The following CNTNAP2 variants were observed in gnomAD, a reference collection of about 807,000 sequenced individuals.
CNTNAP2 encodes contactin associated protein 2.
CNTNAP2 carries 98 observed loss-of-function variants against 155.2 expected under a neutral mutation model. The ratio of observed to expected loss-of-function variants is 0.63; its 90% confidence interval spans 0.54 to 0.75. CNTNAP2 has a LOEUF of 0.75. Among genes scored for constraint, CNTNAP2 ranks in the 30% least tolerant of loss-of-function variants. The probability of loss-of-function intolerance (pLI) is 0.00; values close to 1 mark genes in which losing one functional copy is unlikely to be tolerated. For synonymous variants in CNTNAP2, 651 were observed against 631.2 expected, an observed-to-expected ratio of 1.03 and a Z score of -0.47; for missense variants, 1,727 against 1,688.1, an observed-to-expected ratio of 1.02 and a Z score of -0.40.
chr7:148,323,909 G>A lies in CNTNAP2; in HGVS notation c.3475+56783G>A, dbSNP rs547549238. 2.3e-3 allele frequency among the ~76,000 whole-genome samples: 314 copies of A among 139,184 alleles called. 1 individual carries two copies. Among genetic ancestry groups the A allele is most frequent in the African/African-American group, 7.9e-3 (288 of 36,618 alleles). 91.3% of individuals were successfully genotyped at this position (139,184 alleles called of 152,430 possible). A position where few individuals can be genotyped will look rare whatever the true frequency, so the allele number is the denominator to read the frequency against. On this transcript the variant is annotated intron_variant, in intron 21 of 23. Coordinates refer to ENST00000361727, the MANE Select transcript of CNTNAP2 (RefSeq NM_014141.6). Reference sequence around the variant, plus strand: ...TTTTTTTTTTTTTTTTTTTTGAGACGGAGTTTCACTCTTGCCCAGGCTGGA... The same window carrying A: ...TTTTTTTTTTTTTTTTTTTTGAGACAGAGTTTCACTCTTGCCCAGGCTGGA...
chr7:148,251,518 C>T (rs1412078669), intron 20 of CNTNAP2, among the ~76,000 whole-genome samples: 1 of 152,106 alleles, frequency 6.6e-6, no homozygotes, highest in Non-Finnish European at 1.5e-5. Flanking sequence ...AATCATTGGC[C>T]ACAAAGGTGA....
chr7:148,106,493 G>GATATATATATATATATATATATATAT (rs10532740), intron 15 of CNTNAP2, among the ~76,000 whole-genome samples: 23 of 124,894 alleles, frequency 1.8e-4, no homozygotes, highest in African/African-American at 6.6e-4. Context: ...CACACTTTGA[G>GATATATATATATATATATATATATAT]ATATATATAT....
intron 15 of CNTNAP2, among the ~76,000 whole-genome samples, chr7:148,062,775 T>C (rs1389172492): frequency 1.3e-5 from 2 of 151,984 alleles, no homozygotes; most frequent in Non-Finnish European, 2.9e-5. Context: ...ATAGCTAAAT[T>C]CAAATAAAGT....
At chr7:147,215,244 G>A (rs540092577) in intron 8 of CNTNAP2, among the ~76,000 whole-genome samples, 289 of 152,228 alleles carry the variant, frequency 1.9e-3, no homozygotes, top group African/African-American at 6.6e-3. Flanking sequence ...GATTTATTTT[G>A]TATTGAACAT....
intron 12 of CNTNAP2, among the ~76,000 whole-genome samples, chr7:147,607,164 T>C (rs1448043121): frequency 6.6e-6 from 1 of 152,244 alleles, no homozygotes; most frequent in East Asian, 1.9e-4. Context: ...ACTGAGTCAA[T>C]GAGGAAAATT....
chr7:148,024,904 T>C (rs554791879), intron 15 of CNTNAP2, among the ~76,000 whole-genome samples: 7 of 152,254 alleles, frequency 4.6e-5, no homozygotes, highest in African/African-American at 9.6e-5. Context: ...TGGAAGCAAA[T>C]GAAATTGCCT....
chr7:147,400,725 G>A lies in CNTNAP2; in HGVS notation c.1670+4945G>A, dbSNP rs752143. 6.7e-3 allele frequency among the ~76,000 whole-genome samples: 1,017 copies of A among 152,210 alleles called. 11 individuals are homozygous for A. Among genetic ancestry groups the A allele is most frequent in the African/African-American group, 0.023 (955 of 41,516 alleles). ...TTCTTGGGAAAGCTTTTGTTCTCCT[G>A]ATACAGTTGCCCCTCTTGCTCTCCA... On this transcript the variant is annotated intron_variant, in intron 10 of 23. Coordinates refer to ENST00000361727, the MANE Select transcript of CNTNAP2 (RefSeq NM_014141.6).
At chr7:148,256,604 A>G (rs1343183576) in intron 20 of CNTNAP2, among the ~76,000 whole-genome samples, 4 of 152,078 alleles carry the variant, frequency 2.6e-5, no homozygotes, top group Admixed American at 2.6e-4. Flanking sequence ...ACACATACTG[A>G]AACCAGCCAC....
At chr7:148,257,537 A>G (rs1038113016) in intron 20 of CNTNAP2, among the ~76,000 whole-genome samples, 3 of 152,142 alleles carry the variant, frequency 2.0e-5, no homozygotes, top group Admixed American at 2.0e-4. Flanking sequence ...GTGTCCTCTC[A>G]TCTGCACCCA....
intron 20 of CNTNAP2, among the ~76,000 whole-genome samples, chr7:148,256,063 G>A (rs1796448198): frequency 6.6e-6 from 1 of 152,178 alleles, no homozygotes; most frequent in African/African-American, 2.4e-5. Flanking sequence ...ATGGCTGAAT[G>A]TCGGGAGCCA....
chr7:147,076,852 A>G (rs1020594992), intron 4 of CNTNAP2, among the ~76,000 whole-genome samples: 2 of 152,222 alleles, frequency 1.3e-5, no homozygotes, highest in Non-Finnish European at 2.9e-5. Context: ...AACAAGAAGA[A>G]AAAGAGCATT....
At chr7:147,790,637 C>T (rs1441144617) in intron 13 of CNTNAP2, among the ~76,000 whole-genome samples, 1 of 152,174 alleles carries the variant, frequency 6.6e-6, no homozygotes, top group African/African-American at 2.4e-5. Flanking sequence ...TGTTTAGATG[C>T]TATTCTATGT....
intron 16 of CNTNAP2, 100 bp from the exon 17 acceptor site, chr7:148,147,391 T>C: frequency 8.7e-7 from 1 of 1,155,308 alleles, no homozygotes; most frequent in Admixed American, 1.7e-5. Flanking sequence ...CAGGCTTAGA[T>C]GATTTTTCCT....
Position 146,890,890 on chromosome 7 carries a change from A to G in CNTNAP2, c.402+50986A>G, listed in dbSNP as rs184613561. ...TTACCCAGCAATCCCATTTCTGGGT[A>G]TATACCCAAAGGAAAATAAATCATT... On this transcript the variant is annotated intron_variant, in intron 3 of 23. Transcript: ENST00000361727. Among the ~76,000 whole-genome samples the G allele has an allele frequency of 2.9e-4, 44 of 152,318 alleles. No homozygotes were observed. In the East Asian group the frequency reaches 4.3e-3, roughly 15 times the overall value.
intron 21 of CNTNAP2, among the ~76,000 whole-genome samples, chr7:148,376,499 C>A (rs1445462119): frequency 1.5e-5 from 1 of 67,042 alleles, no homozygotes; most frequent in African/African-American, 3.7e-5. Flanking sequence ...TCCTGCCTGG[C>A]TGACAGTGAG....
chr7:147,728,805 T>C (rs1337572893), intron 13 of CNTNAP2, among the ~76,000 whole-genome samples: 2 of 151,880 alleles, frequency 1.3e-5, no homozygotes, highest in South Asian at 2.1e-4. Flanking sequence ...GCAACTGATA[T>C]TATGGGCCTA....
At chr7:147,033,257 G>A (rs1371358717) in intron 3 of CNTNAP2, among the ~76,000 whole-genome samples, 1 of 147,084 alleles carries the variant, frequency 6.8e-6, no homozygotes, top group African/African-American at 2.5e-5. Context: ...ATAAAAAAGA[G>A]TGTATTTTTA....
At chr7:146,559,833 TGTC>T (rs546946778) in intron 1 of CNTNAP2, among the ~76,000 whole-genome samples, 150 of 119,838 alleles carry the variant, frequency 1.3e-3, no homozygotes, top group African/African-American at 4.8e-3. Flanking sequence ...TGAATGCTGT[TGTC>T]ATTTAAATTA....
intron 13 of CNTNAP2, among the ~76,000 whole-genome samples, chr7:147,746,167 A>G (rs1004867407): frequency 6.6e-6 from 1 of 152,200 alleles, no homozygotes; most frequent in Admixed American, 6.5e-5. Flanking sequence ...CTGCAGGTCT[A>G]TAGTAGTGAC....
Sources: allele counts gnomAD v4.1 joint callset (sites outside exome capture counted in the v4.1 genomes callset), GRCh38; gene constraint gnomAD v4.1.1; transcripts MANE v1.5; gene names NCBI Gene and HGNC (gene_info 2026-07-23, HGNC 2026-07-21).